Variants in CFAP70 observed in about 807,000 individuals in gnomAD.
CFAP70 encodes cilia- and flagella-associated protein 70.
Under a neutral mutation model 137.6 loss-of-function variants are expected in CFAP70, and 81 were observed. The ratio of observed to expected loss-of-function variants is 0.59; its 90% CI spans 0.49 to 0.71. CFAP70 has a LOEUF of 0.71. CFAP70 is among the 30% of genes least tolerant of loss of function. CFAP70 has a pLI of 0.00. For missense variants in CFAP70, 976 were observed against 1,226.7 expected, an observed-to-expected ratio of 0.80 and a Z score of 3.05; for synonymous variants, 382 against 423.6, an observed-to-expected ratio of 0.90 and a Z score of 1.20.
intron 19 of CFAP70, among the ~76,000 whole-genome samples, chr10:73,284,267 T>C (rs902198058): frequency 2.0e-5 from 3 of 152,078 alleles, no homozygotes; most frequent in African/African-American, 7.3e-5. Context: ...TCTAGCCCTC[T>C]GATTCCGTTA....
chr10:73,337,781 C>G (rs960721950), intron 6 of CFAP70, among the ~76,000 whole-genome samples: 4 of 151,950 alleles, frequency 2.6e-5, no homozygotes, highest in African/African-American at 4.8e-5. Context: ...TGGCGGGTGC[C>G]TGTAATCCCA....
intron 25 of CFAP70, among the ~76,000 whole-genome samples, chr10:73,266,879 T>C (rs2045824355): frequency 6.6e-6 from 1 of 151,908 alleles, no homozygotes; most frequent in South Asian, 2.1e-4. Context: ...GAAATTTTCA[T>C]TTATTTCTAC....
intron 15 of CFAP70, 108 bp downstream of exon 16, chr10:73,296,934 G>T: frequency 1.2e-5 from 16 of 1,340,870 alleles, no homozygotes; most frequent in Admixed American, 2.1e-5. Context: ...CTAGCACAGA[G>T]CAGACACTTC....
chr10:73,302,409 C>T (rs1252430480), intron 12 of CFAP70, among the ~76,000 whole-genome samples: 1 of 152,110 alleles, frequency 6.6e-6, no homozygotes, highest in African/African-American at 2.4e-5. Flanking sequence ...AAGAACACAC[C>T]ACTGGATTTA....
chr10:73,261,676 A>G (rs1370471877), intron 25 of CFAP70, among the ~76,000 whole-genome samples: 1 of 152,066 alleles, frequency 6.6e-6, no homozygotes, highest in Non-Finnish European at 1.5e-5. Flanking sequence ...GGGTAGGGAC[A>G]CAGCCAAAAT....
Position 73,291,358 on chromosome 10 carries a change from G to A in CFAP70, c.2107C>T (p.Gln703Ter), listed in dbSNP as rs1221563075. Residue 703 changes from glutamine (Q) to a stop codon, truncating the protein, a stop_gained, in exon 19 of 27, where the codon CAG becomes TAG. Transcript: ENST00000310715. LOFTEE classifies it high-confidence loss of function. ...CTCTTTTGCTTTGTTACTTGTGCCT[G>A]AAGCATCCGTGCCTGAAGCTGTTTG... 1.9e-6 allele frequency: 3 copies of A among 1,614,138 alleles called. No homozygotes were observed. In the Admixed American group the frequency reaches 5.0e-5, roughly 27 times the overall value.
upstream of CFAP70, among the ~76,000 whole-genome samples, chr10:73,361,837 T>G (rs1056126050): frequency 3.3e-5 from 5 of 151,724 alleles, no homozygotes; most frequent in Non-Finnish European, 5.9e-5. Flanking sequence ...AAGCAATCAC[T>G]ATGAAAACCC....
At chr10:73,270,170 GAA>G (rs1283351811) in intron 24 of CFAP70, among the ~76,000 whole-genome samples, 1 of 151,990 alleles carries the variant, frequency 6.6e-6, no homozygotes, top group African/African-American at 2.4e-5. Context: ...TTTGCCTGTT[GAA>G]ATACTATTGT....
In CFAP70 at chr10:73,355,535, T is replaced by C. The variant is rs145149757; in HGVS notation, c.-39-700A>G. 7.9e-5 allele frequency among the ~76,000 whole-genome samples: 12 copies of C among 152,224 alleles called. No individual in the cohort carries two copies. The East Asian group carries it at 2.3e-3, about 29-fold the overall frequency. ...GGCTCACGCCTGTAATCCCAACACT[T>C]TGGAAGGCGAGGCGGGCGGATCACC... On this transcript the variant is annotated intron_variant, in intron 1 of 26. Transcript: ENST00000310715.
At chr10:73,303,875 A>G (rs1019527188) in intron 12 of CFAP70, among the ~76,000 whole-genome samples, 1 of 152,128 alleles carries the variant, frequency 6.6e-6, no homozygotes, top group African/African-American at 2.4e-5. Flanking sequence ...CTCTTTTGTG[A>G]CTAATGTGCT....
intron 7 of CFAP70, among the ~76,000 whole-genome samples, chr10:73,334,044 T>C (rs1470555069): frequency 1.3e-5 from 2 of 152,220 alleles, no homozygotes; most frequent in Non-Finnish European, 2.9e-5. Flanking sequence ...TTCTGCTCGA[T>C]TTTTCTGTAA....
intron 8 of CFAP70, among the ~76,000 whole-genome samples, chr10:73,329,582 G>GAT (rs754587060): frequency 1.3e-5 from 2 of 151,968 alleles, no homozygotes; most frequent in Admixed American, 6.6e-5. Context: ...CAAATTAATT[G>GAT]ATATATATAT....
chr10:73,344,170 G>GC (rs1369261715), intron 5 of CFAP70, among the ~76,000 whole-genome samples: 1 of 151,918 alleles, frequency 6.6e-6, no homozygotes, highest in Admixed American at 6.6e-5. Context: ...CACCATGTTG[G>GC]CCAGGCTGGT....
chr10:73,306,278 A>G (rs2049367616), intron 12 of CFAP70, among the ~76,000 whole-genome samples: 1 of 152,110 alleles, frequency 6.6e-6, no homozygotes, highest in Non-Finnish European at 1.5e-5. Context: ...GGAAGAAAGA[A>G]TTTTTAAGAA....
chr10:73,291,617 TC>T (rs771878208), intron 18 of CFAP70, 22 bp downstream of exon 19: 2 of 1,592,204 alleles, frequency 1.3e-6, no homozygotes, highest in East Asian at 4.5e-5. Flanking sequence ...GAAAACACAT[TC>T]AGATTACAAG....
intron 12 of CFAP70, among the ~76,000 whole-genome samples, chr10:73,308,473 A>G (rs567520839): frequency 6.6e-6 from 1 of 152,108 alleles, no homozygotes; most frequent in South Asian, 2.1e-4. Flanking sequence ...TATTAAAAAT[A>G]CAAAATTAGC....
intron 9 of CFAP70, among the ~76,000 whole-genome samples, chr10:73,315,461 T>C (rs1346346146): frequency 1.3e-5 from 2 of 152,218 alleles, no homozygotes; most frequent in Non-Finnish European, 2.9e-5. Flanking sequence ...CATTCACATA[T>C]ATGTCTTCGT....
chr10:73,337,336 C>T (rs956580705), intron 6 of CFAP70, among the ~76,000 whole-genome samples: 10 of 151,330 alleles, frequency 6.6e-5, no homozygotes, highest in Non-Finnish European at 1.2e-4. Flanking sequence ...ATACAGAAAC[C>T]AGCAGGGCAT....
At chr10:73,313,596 A>C (rs1261108129) in intron 9 of CFAP70, among the ~76,000 whole-genome samples, 3 of 151,286 alleles carry the variant, frequency 2.0e-5, no homozygotes, top group South Asian at 2.1e-4. Context: ...TAATCCCAGC[A>C]CTTTAGGGGG....
Sources: allele counts gnomAD v4.1 joint callset (sites outside exome capture counted in the v4.1 genomes callset), GRCh38; gene constraint gnomAD v4.1.1; transcripts MANE v1.5; gene names NCBI Gene and HGNC (gene_info 2026-07-23, HGNC 2026-07-21).